KIAA0753: variants seen among roughly 807,000 people sequenced by gnomAD.
KIAA0753 encodes the protein KIAA0753, also known as protein moonraker.
KIAA0753 carries 114 observed loss-of-function variants against 116.9 expected under a neutral mutation model. The observed-to-expected ratio is 0.98, with a 90% confidence interval of 0.84 to 1.14. The LOEUF (loss-of-function observed/expected upper bound fraction) is 1.14. Ranked by LOEUF, KIAA0753 falls within the 50% of genes most tolerant of loss-of-function variation. The pLI, the probability that KIAA0753 is intolerant of heterozygous loss-of-function variation, is 0.00. For missense variants in KIAA0753, 1,156 were observed against 1,172.4 expected (o/e 0.99, Z 0.20); for synonymous variants, 405 against 413.1 (o/e 0.98, Z 0.24).
intron 14 of KIAA0753, among the ~76,000 whole-genome samples, chr17:6,597,984 C>T (rs574854914): frequency 6.6e-6 from 1 of 152,338 alleles, no homozygotes; most frequent in East Asian, 1.9e-4. Flanking sequence ...AGTGAAGCTG[C>T]TATTTAACAA....
chr17:6,615,689 A>G (rs1213804324), intron 7 of KIAA0753, among the ~76,000 whole-genome samples: 1 of 151,766 alleles, frequency 6.6e-6, no homozygotes, highest in African/African-American at 2.4e-5. Flanking sequence ...GCTTATATAC[A>G]TCAAAGCAAC....
intron 7 of KIAA0753, among the ~76,000 whole-genome samples, chr17:6,612,839 G>T (rs2150843727): frequency 6.6e-6 from 1 of 152,312 alleles, no homozygotes; most frequent in Admixed American, 6.5e-5. Context: ...TTGCACTCCA[G>T]CCTGAGGGAC....
rs1379218246 is a variant in KIAA0753 at position 6,579,095 on chromosome 17, T to C, written c.*652A>G. 6.6e-6 allele frequency: 1 copy of C among 152,250 alleles called. No homozygotes were observed. The highest frequency in any genetic ancestry group is 1.5e-5 in the Non-Finnish European group (1 of 68,070). 9.4% of individuals were successfully genotyped at this position (152,250 alleles called of 1,614,324 possible). On this transcript the variant is annotated 3_prime_UTR_variant, in exon 19 of 19. Transcript: ENST00000361413. The stretch of plus-strand genomic sequence containing the variant: ...TGTGTCAACACACAGCAATAAAATA[T>C]GCTGAGGAACTAAAAATGTGAAAAT...
Position 6,590,564 on chromosome 17 carries a change from A to G in KIAA0753, c.2507T>C (p.Val836Ala), listed in dbSNP as rs762636221. The G allele has an allele frequency of 1.2e-6, 2 of 1,614,102 alleles. No individual in the cohort carries two copies. The highest frequency in any genetic ancestry group is 2.2e-5 in the South Asian group (2 of 91,080). ...GTTCACGGCTGGATCCTTGCGATCC[A>G]CTGTCTTCGTGATTCTGATTGGATG... ...SPHPIRITKTVDRKDPAVNIM... is the reference protein window; with the variant it reads ...SPHPIRITKTADRKDPAVNIM... The change falls in exon 17 of 19, where the codon GTG (valine) becomes GCG (alanine). Residue 836 changes from valine (V) to alanine (A), a missense_variant. Physicochemically the swap from Val to Ala is moderately conservative, Grantham distance 64. Transcript: ENST00000361413.
rs1267405004 is a variant in KIAA0753, at chr17:6,620,839, T to C, written c.1264A>G (p.Thr422Ala). 1 of 1,614,098 alleles carries C rather than the reference T, an allele frequency of 6.2e-7. No individual in the cohort carries two copies. Among genetic ancestry groups the C allele is most frequent in the African/African-American group, 1.3e-5 (1 of 74,944 alleles). Residue 422 changes from threonine (T) to alanine (A), a missense_variant, in exon 7 of 19, where the codon ACA becomes GCA. Transcript: ENST00000361413. ...GERRPLTAKD[T>A]FPQETSRPSV... The stretch of plus-strand genomic sequence containing the variant: ...GGTCGACTTGTTTCCTGTGGGAATG[T>C]GTCCTTTGCTGTGAGGGGCCTCCTC...
At position 6,628,413 on chromosome 17, in the gene KIAA0753, T is replaced by C. The variant is rs1258095187; in HGVS notation, c.422A>G (p.Asp141Gly). The C allele has an allele frequency of 1.2e-6, 2 of 1,614,178 alleles. No homozygotes were observed. The highest frequency in any genetic ancestry group is 2.2e-5 in the East Asian group (1 of 44,884). The change falls in exon 3 of 19, where the codon GAC (aspartate) becomes GGC (glycine). Residue 141 changes from aspartate (D) to glycine (G), a missense_variant. By Grantham distance (94) the Asp-to-Gly change is moderately conservative. Transcript: ENST00000361413. The stretch of plus-strand genomic sequence containing the variant: ...TGATTCCTTCCTTTCCACCCTGTGG[T>C]CGGGTATTTTATACTTAGTATGTCC... Reference protein sequence around the residue: ...KCGHTKYKIPDHRVERKESKS... With the variant: ...KCGHTKYKIPGHRVERKESKS...
chr17:6,581,103 A>T (rs1302014883), intron 18 of KIAA0753, among the ~76,000 whole-genome samples: 2 of 152,226 alleles, frequency 1.3e-5, no homozygotes, highest in Non-Finnish European at 2.9e-5. Flanking sequence ...AATTTTGCCA[A>T]CCATCCAAAT....
In KIAA0753 at chr17:6,591,012, A is replaced by AGAAGAAGGAAGAAGGAAGAAGGAAGAAG. The variant is rs1314690341; in HGVS notation, c.2441-410_2441-383dup. ...AAGAAAGAAGAAGGAAGAAGAAGGA[A>AGAAGAAGGAAGAAGGAAGAAGGAAGAAG]GAAGAAGGAAGAAGGAAGAAGGAAG... On this transcript the variant is annotated intron_variant, in intron 16 of 18. Coordinates refer to ENST00000361413, the MANE Select transcript of KIAA0753 (RefSeq NM_014804.3). 3.7e-4 allele frequency among the ~76,000 whole-genome samples: 31 copies of AGAAGAAGGAAGAAGGAAGAAGGAAGAAG among 84,742 alleles called. 4 individuals carry two copies. The East Asian group carries it at 4.4e-3, about 12-fold the overall frequency. The allele number at this position is 84,742 out of a possible 152,430, so 55.6% of individuals were successfully genotyped here.
chr17:6,631,840 T>C (rs903159215), intron 2 of KIAA0753, among the ~76,000 whole-genome samples: 8 of 152,200 alleles, frequency 5.3e-5, no homozygotes, highest in African/African-American at 1.9e-4. Context: ...AAATGGTTAA[T>C]TCCAGGGCCA....
Position 6,634,324 on chromosome 17 carries a change from G to C in KIAA0753, c.93+687C>G, listed in dbSNP as rs186229139. On this transcript the variant is annotated intron_variant, in intron 2 of 18. Coordinates refer to ENST00000361413, the MANE Select transcript of KIAA0753 (RefSeq NM_014804.3). ...TCACTATGTTAGTCAGGCTGGTCTC[G>C]AACTCCTGACCTCTGGTGATCCGCC... Among the ~76,000 whole-genome samples, 17 of 152,196 alleles carry C rather than the reference G, an allele frequency of 1.1e-4. No homozygotes were observed. In the South Asian group the frequency reaches 3.5e-3, roughly 32 times the overall value.
At position 6,581,614 on chromosome 17, in the gene KIAA0753, ACTT is replaced by A. The variant is rs1372097769; in HGVS notation, c.2787-1753_2787-1751del. Among the ~76,000 whole-genome samples the A allele has an allele frequency of 2.6e-5, 4 of 152,116 alleles. No individual in the cohort carries two copies. The East Asian group carries it at 5.8e-4, about 22-fold the overall frequency. On this transcript the variant is annotated intron_variant, in intron 18 of 18. Coordinates refer to ENST00000361413, the MANE Select transcript of KIAA0753 (RefSeq NM_014804.3). ...CAAACACGGATTTTCTACTTCCATC[ACTT>A]CTTCTCCATTTAATAGCTGGCATTC...
At chr17:6,581,177 T>C (rs1221777108) in intron 18 of KIAA0753, among the ~76,000 whole-genome samples, 4 of 152,192 alleles carry the variant, frequency 2.6e-5, no homozygotes, top group African/African-American at 9.7e-5. Flanking sequence ...ATGTCGCATT[T>C]TGTTGTCACA....
intron 10 of KIAA0753, among the ~76,000 whole-genome samples, chr17:6,607,617 G>A (rs1970276874): frequency 6.6e-6 from 1 of 152,180 alleles, no homozygotes; most frequent in African/African-American, 2.4e-5. Context: ...TAGGCATGGT[G>A]AAGTCAAATA....
chr17:6,595,847 G>A (rs1457501319), intron 15 of KIAA0753, among the ~76,000 whole-genome samples: 1 of 152,222 alleles, frequency 6.6e-6, no homozygotes, highest in Non-Finnish European at 1.5e-5. Context: ...CCACTTGTGG[G>A]CCCAGGCCCT....
intron 12 of KIAA0753, chr17:6,601,137 C>T (rs930697269): frequency 6.6e-6 from 1 of 152,298 alleles, no homozygotes; most frequent in South Asian, 2.1e-4. Flanking sequence ...ACTGGTAGTA[C>T]CAGGTACATC....
At chr17:6,622,085 A>G (rs768681092) in intron 6 of KIAA0753, among the ~76,000 whole-genome samples, 10 of 152,194 alleles carry the variant, frequency 6.6e-5, no homozygotes, top group Non-Finnish European at 1.5e-4. Context: ...TACAGCTAAC[A>G]GCTTACTCTG....
At chr17:6,618,303 A>T (rs1279438862) in intron 7 of KIAA0753, among the ~76,000 whole-genome samples, 1 of 152,194 alleles carries the variant, frequency 6.6e-6, no homozygotes, top group African/African-American at 2.4e-5. Context: ...ACCCTTTATG[A>T]TAAATGGGTA....
At chr17:6,592,538 T>C (rs927557502) in intron 16 of KIAA0753, among the ~76,000 whole-genome samples, 31 of 152,308 alleles carry the variant, frequency 2.0e-4, no homozygotes, top group Middle Eastern at 3.4e-3. Flanking sequence ...AATACATATA[T>C]ATACATTTTG....
At chr17:6,606,055 T>A (rs538324288) in intron 12 of KIAA0753, among the ~76,000 whole-genome samples, 2 of 152,144 alleles carry the variant, frequency 1.3e-5, no homozygotes, top group Non-Finnish European at 2.9e-5. Flanking sequence ...GTAGTGACTA[T>A]CCCATCACAG....
Sources: allele counts gnomAD v4.1 joint callset (sites outside exome capture counted in the v4.1 genomes callset), GRCh38; gene constraint gnomAD v4.1.1; transcripts MANE v1.5; gene names NCBI Gene and HGNC (gene_info 2026-07-23, HGNC 2026-07-21).